The following PDE3A variants were observed in gnomAD, a reference collection of about 807,000 sequenced individuals.
PDE3A encodes the protein cGMP-inhibited 3',5'-cyclic phosphodiesterase 3A.
Under a neutral mutation model 98.3 loss-of-function variants are expected in PDE3A, and 43 were observed. The observed-to-expected ratio is 0.44, with a 90% CI of 0.34 to 0.56. The LOEUF (loss-of-function observed/expected upper bound fraction) is 0.56. Among genes scored for constraint, PDE3A ranks in the 20% least tolerant of loss-of-function variants. The pLI, the probability that PDE3A is intolerant of heterozygous loss-of-function variation, is 0.01. For synonymous variants in PDE3A, 663 were observed against 567.9 expected (o/e 1.17, Z -2.38); for missense variants, 1,427 against 1,440.7 (o/e 0.99, Z 0.15).
chr12:20,539,560 TG>T (rs1565582179), intron 1 of PDE3A, among the ~76,000 whole-genome samples: 1 of 152,160 alleles, frequency 6.6e-6, no homozygotes, highest in Non-Finnish European at 1.5e-5. Context: ...TGGCCACTTT[TG>T]TTCACTTAAT....
chr12:20,430,081 G>A (rs1173576796), intron 1 of PDE3A, among the ~76,000 whole-genome samples: 1 of 152,026 alleles, frequency 6.6e-6, no homozygotes, highest in Non-Finnish European at 1.5e-5. Flanking sequence ...GTATTTAACT[G>A]TTTGCCAGTA....
chr12:20,431,893 T>C (rs1944705490), intron 1 of PDE3A, among the ~76,000 whole-genome samples: 1 of 152,196 alleles, frequency 6.6e-6, no homozygotes. Flanking sequence ...AAGTTTTTGT[T>C]TGCTGAGTAT....
chr12:20,407,962 C>T (rs895919037), intron 1 of PDE3A, among the ~76,000 whole-genome samples: 4 of 152,092 alleles, frequency 2.6e-5, no homozygotes, highest in African/African-American at 9.6e-5. Flanking sequence ...CTCTGTCCCC[C>T]AGGCTGTAGT....
rs1253039006 is a variant in PDE3A, at chr12:20,680,623, A to T, written c.*352A>T. 5.7e-6 allele frequency: 1 copy of T among 176,518 alleles called. No homozygotes were observed. Among genetic ancestry groups the T allele is most frequent in the African/African-American group, 2.4e-5 (1 of 42,052 alleles). 10.9% of individuals were successfully genotyped at this position (176,518 alleles called of 1,614,324 possible). A position where few individuals can be genotyped will look rare whatever the true frequency, so the allele number is the denominator to read the frequency against. ...GCCACGATTGCTGGCTCCACAATTT[A>T]GTAACATTTATATTAAGATATATAT... is the stretch of plus-strand genomic sequence containing the variant. On this transcript the variant is annotated 3_prime_UTR_variant, in exon 16 of 16. Coordinates refer to ENST00000359062, the MANE Select transcript of PDE3A (RefSeq NM_000921.5).
intron 1 of PDE3A, among the ~76,000 whole-genome samples, chr12:20,490,687 G>T (rs556429998): frequency 1.3e-5 from 2 of 152,278 alleles, no homozygotes; most frequent in East Asian, 3.9e-4. Flanking sequence ...TTCTGTGGTG[G>T]TTAAAATCTG....
At chr12:20,670,024 C>CA (rs577579959) in intron 15 of PDE3A, among the ~76,000 whole-genome samples, 6,322 of 149,202 alleles carry the variant, frequency 0.042, 237 homozygotes, top group African/African-American at 0.097. Flanking sequence ...AAATGGAAAA[C>CA]AAAAAAAGGC....
rs1944773012 is a variant in PDE3A at position 20,435,981 on chromosome 12, A to T, written c.960+65737A>T. The stretch of plus-strand genomic sequence containing the variant: ...GCAAGATTGAGATTTTTGGTGTGGG[A>T]GGGGTTTTTCTGGTGTCCCTCAAAT... On this transcript the variant is annotated intron_variant, in intron 1 of 15. Transcript: ENST00000359062. Among the ~76,000 whole-genome samples, 3 of 152,012 alleles carry T rather than the reference A, an allele frequency of 2.0e-5. No homozygotes were observed. The South Asian group carries it at 6.2e-4, about 32-fold the overall frequency.
rs534613000 is a variant in PDE3A, at chr12:20,682,335, C to T, written c.*2064C>T. The T allele has an allele frequency of 2.6e-5, 4 of 152,194 alleles. No individual in the cohort carries two copies. The highest frequency in any genetic ancestry group is 3.9e-4 in the East Asian group (2 of 5,180). 9.4% of individuals were successfully genotyped at this position (152,194 alleles called of 1,614,324 possible). On this transcript the variant is annotated 3_prime_UTR_variant, in exon 16 of 16. Coordinates refer to ENST00000359062, the MANE Select transcript of PDE3A (RefSeq NM_000921.5). Reference sequence around the variant, plus strand: ...GATTTCCAGTTTTTATTTTCTCTGACGTAGTAGAAAGGAATGTTTACATTA... The same window carrying T: ...GATTTCCAGTTTTTATTTTCTCTGATGTAGTAGAAAGGAATGTTTACATTA...
chr12:20,617,573 C>T (rs1477966586), intron 4 of PDE3A, among the ~76,000 whole-genome samples: 1 of 152,088 alleles, frequency 6.6e-6, no homozygotes, highest in Non-Finnish European at 1.5e-5. Flanking sequence ...ATTGCTACAG[C>T]AGCAAATACT....
intron 2 of PDE3A, among the ~76,000 whole-genome samples, chr12:20,577,349 G>T (rs962379129): frequency 2.6e-5 from 4 of 152,122 alleles, no homozygotes; most frequent in African/African-American, 9.7e-5. Context: ...TACATACCTT[G>T]TTTGCCCTGC....
chr12:20,550,269 A>C (rs1485885853), intron 1 of PDE3A, among the ~76,000 whole-genome samples: 1 of 152,186 alleles, frequency 6.6e-6, no homozygotes, highest in Non-Finnish European at 1.5e-5. Context: ...CAGTGTTAAT[A>C]GTCAGCATTT....
intron 1 of PDE3A, among the ~76,000 whole-genome samples, chr12:20,549,626 G>A (rs1302036752): frequency 6.6e-6 from 1 of 151,976 alleles, no homozygotes; most frequent in Admixed American, 6.6e-5. Context: ...CACATAGGAT[G>A]TAGATTTCTG....
At chr12:20,626,694 C>T (rs1201376803) in intron 5 of PDE3A, among the ~76,000 whole-genome samples, 1 of 152,088 alleles carries the variant, frequency 6.6e-6, no homozygotes, top group Non-Finnish European at 1.5e-5. Flanking sequence ...GATGGGGTTT[C>T]ACCATGTTGG....
chr12:20,616,661 A>G (rs1423466708), intron 4 of PDE3A, among the ~76,000 whole-genome samples: 4 of 152,148 alleles, frequency 2.6e-5, no homozygotes, highest in Non-Finnish European at 5.9e-5. Flanking sequence ...TAAGCCCAGG[A>G]TAAAGGTAGG....
intron 1 of PDE3A, among the ~76,000 whole-genome samples, chr12:20,491,618 G>A (rs1193316122): frequency 1.3e-5 from 2 of 152,132 alleles, no homozygotes; most frequent in Non-Finnish European, 2.9e-5. Flanking sequence ...GATAAACAGA[G>A]TTAAGGAAGG....
intron 2 of PDE3A, among the ~76,000 whole-genome samples, chr12:20,581,419 A>T (rs1231772625): frequency 6.6e-6 from 1 of 152,138 alleles, no homozygotes. Flanking sequence ...AGGAACTAAG[A>T]CAGAGAACAT....
intron 2 of PDE3A, among the ~76,000 whole-genome samples, chr12:20,572,504 C>T (rs2121314933): frequency 6.6e-6 from 1 of 152,122 alleles, no homozygotes; most frequent in South Asian, 2.1e-4. Context: ...CAGTAAAATA[C>T]TAAAGTATCA....
In PDE3A at chr12:20,618,306, TC is replaced by T. The variant is rs1203356215; in HGVS notation, c.1424+1923del. Among the ~76,000 whole-genome samples, 4 of 152,146 alleles carry T rather than the reference TC, an allele frequency of 2.6e-5. No homozygotes were observed. In the East Asian group the frequency reaches 7.7e-4, roughly 29 times the overall value. ...TGATTATAAATCACAGTCAAAACCT[TC>T]TTTTGAGTTTTAGCCCTGAAATTGC... On this transcript the variant is annotated intron_variant, in intron 4 of 15. Coordinates refer to ENST00000359062, the MANE Select transcript of PDE3A (RefSeq NM_000921.5).
chr12:20,619,898 T>C (rs1203558103), intron 4 of PDE3A, among the ~76,000 whole-genome samples: 1 of 152,076 alleles, frequency 6.6e-6, no homozygotes, highest in African/African-American at 2.4e-5. Context: ...GAGTGTCAAA[T>C]TGACCTCAAC....
Sources: allele counts gnomAD v4.1 joint callset (sites outside exome capture counted in the v4.1 genomes callset), GRCh38; gene constraint gnomAD v4.1.1; transcripts MANE v1.5; gene names NCBI Gene and HGNC (gene_info 2026-07-23, HGNC 2026-07-21).